The following TRPC3 variants were observed in gnomAD, a reference collection of about 807,000 sequenced individuals.
TRPC3 encodes the protein short transient receptor potential channel 3.
A neutral mutation model predicts 90.9 loss-of-function variants in TRPC3; 54 were observed. The ratio of observed to expected loss-of-function variants is 0.59; its 90% CI spans 0.48 to 0.75. The LOEUF is 0.75. Among genes scored for constraint, TRPC3 ranks in the 30% least tolerant of loss-of-function variants. The pLI is 0.00. For missense variants in TRPC3, 918 were observed against 1,194.5 expected (o/e 0.77, Z 3.41); for synonymous variants, 424 against 450.9 (o/e 0.94, Z 0.75).
In TRPC3 at chr4:121,874,673, A is replaced by C. The variant is rs1409643564; in HGVS notation, c.*5063T>G. ...TCTCATCTTGTCTTTTTATAAGCAC[A>C]CCAGTCATATTATCTCATTTTAAAT... On this transcript the variant is annotated 3_prime_UTR_variant, in exon 12 of 12. Transcript: ENST00000379645. Among the ~76,000 whole-genome samples, 1 of 152,222 alleles carries C rather than the reference A, an allele frequency of 6.6e-6. No homozygotes were observed. Among genetic ancestry groups the C allele is most frequent in the African/African-American group, 2.4e-5 (1 of 41,452 alleles).
At chr4:121,948,364 G>T (rs375523910) in intron 1 of TRPC3, among the ~76,000 whole-genome samples, 296 of 70,682 alleles carry the variant, frequency 4.2e-3, no homozygotes, top group African/African-American at 0.012. Context: ...ATTCTAGCTG[G>T]TTTTTTTTTT....
At chr4:121,905,851 A>G (rs948638899) in intron 7 of TRPC3, among the ~76,000 whole-genome samples, 20 of 152,092 alleles carry the variant, frequency 1.3e-4, no homozygotes, top group African/African-American at 4.3e-4. Context: ...GTTACTCTCT[A>G]TTACAAAACA....
intron 10 of TRPC3, among the ~76,000 whole-genome samples, chr4:121,895,007 A>G (rs891125734): frequency 6.6e-5 from 10 of 152,198 alleles, no homozygotes; most frequent in African/African-American, 2.4e-4. Flanking sequence ...TCATAACAAA[A>G]GGCACATTTG....
At chr4:121,903,531 A>G (rs1301949844) in intron 8 of TRPC3, among the ~76,000 whole-genome samples, 2 of 152,166 alleles carry the variant, frequency 1.3e-5, no homozygotes, top group Non-Finnish European at 2.9e-5. Context: ...GCTTTTCGGC[A>G]TTTCTGTGTT....
In TRPC3 at chr4:121,894,555, GTTT is replaced by G. The variant is rs374034360; in HGVS notation, c.2547+5054_2547+5056del. On this transcript the variant is annotated intron_variant, in intron 10 of 11. Coordinates refer to ENST00000379645, the MANE Select transcript of TRPC3 (RefSeq NM_001130698.2). ...CCAACAGCTGGAAAGTACACATTCT[GTTT>G]TTTTTTTTTTTTTTTTTTTTTTTGA... Among the ~76,000 whole-genome samples, 13 of 63,366 alleles carry G rather than the reference GTTT, an allele frequency of 2.1e-4. No individual in the cohort carries two copies. The South Asian group carries it at 6.1e-3, about 30-fold the overall frequency. The allele number at this position is 63,366 out of a possible 152,430, so 41.6% of individuals were successfully genotyped here. A position where few individuals can be genotyped will look rare whatever the true frequency, so the allele number is the denominator to read the frequency against.
At chr4:121,928,910 G>C (rs1729804338) in intron 2 of TRPC3, among the ~76,000 whole-genome samples, 1 of 152,204 alleles carries the variant, frequency 6.6e-6, no homozygotes, top group African/African-American at 2.4e-5. Context: ...AAAGAGGCAA[G>C]TTATCATACT....
chr4:121,905,503 G>A (rs990582659), intron 7 of TRPC3, among the ~76,000 whole-genome samples: 4 of 152,008 alleles, frequency 2.6e-5, no homozygotes, highest in African/African-American at 7.2e-5. Flanking sequence ...ACCTAAGTTC[G>A]TCCCTTAAAT....
chr4:121,948,929 C>T (rs968168991), intron 1 of TRPC3, among the ~76,000 whole-genome samples: 3 of 151,738 alleles, frequency 2.0e-5, no homozygotes, highest in Admixed American at 6.6e-5. Flanking sequence ...ACTGCTCATG[C>T]CCAGTCTCAT....
chr4:121,917,878 C>T (rs1729370422), intron 3 of TRPC3, among the ~76,000 whole-genome samples: 1 of 152,138 alleles, frequency 6.6e-6, no homozygotes, highest in Non-Finnish European at 1.5e-5. Context: ...AGTTTTTAGA[C>T]CAACAGTTTC....
intron 4 of TRPC3, 97 bp downstream of exon 4, chr4:121,914,683 A>T: frequency 7.8e-7 from 1 of 1,277,512 alleles, no homozygotes; most frequent in South Asian, 2.1e-5. Flanking sequence ...ATTCAGGGTA[A>T]AACTGATAAG....
intron 1 of TRPC3, among the ~76,000 whole-genome samples, chr4:121,942,011 G>A (rs1356745035): frequency 2.6e-5 from 4 of 152,092 alleles, no homozygotes; most frequent in Non-Finnish European, 5.9e-5. Context: ...ACACATCATA[G>A]AGCTCAATAA....
chr4:121,893,653 A>T (rs1185555596), intron 10 of TRPC3, among the ~76,000 whole-genome samples: 2 of 152,160 alleles, frequency 1.3e-5, no homozygotes, highest in African/African-American at 4.8e-5. Context: ...TTGACTATAC[A>T]AAAATAAAAA....
chr4:121,941,128 G>A (rs1048783603), intron 1 of TRPC3, among the ~76,000 whole-genome samples: 23 of 152,122 alleles, frequency 1.5e-4, no homozygotes, highest in African/African-American at 5.6e-4. Context: ...TGCATGCTGA[G>A]CTTATGTGTC....
intron 7 of TRPC3, among the ~76,000 whole-genome samples, chr4:121,906,287 A>G (rs1022707625): frequency 1.9e-4 from 29 of 152,258 alleles, no homozygotes; most frequent in African/African-American, 6.3e-4. Flanking sequence ...TGTCCTTTCT[A>G]CTACATTGAA....
intron 1 of TRPC3, among the ~76,000 whole-genome samples, chr4:121,943,624 G>A (rs980482173): frequency 1.3e-5 from 2 of 152,032 alleles, no homozygotes; most frequent in African/African-American, 4.8e-5. Context: ...GTCTATACTT[G>A]AACAAGAATT....
intron 10 of TRPC3, among the ~76,000 whole-genome samples, chr4:121,897,566 T>C (rs1005429307): frequency 6.8e-6 from 1 of 146,270 alleles, no homozygotes; most frequent in Non-Finnish European, 1.5e-5. Flanking sequence ...CAATGATATA[T>C]GAAAAAATGC....
intron 1 of TRPC3, among the ~76,000 whole-genome samples, chr4:121,943,333 A>G (rs1730383480): frequency 6.6e-6 from 1 of 152,202 alleles, no homozygotes; most frequent in African/African-American, 2.4e-5. Flanking sequence ...AATGTCAACA[A>G]TCATTCTTTC....
At chr4:121,935,512 A>C (rs998922515) in intron 1 of TRPC3, among the ~76,000 whole-genome samples, 10 of 152,076 alleles carry the variant, frequency 6.6e-5, no homozygotes, top group Non-Finnish European at 1.3e-4. Flanking sequence ...TTTCAAGACC[A>C]AACTCTATGA....
chr4:121,943,886 T>C (rs1230998607), intron 1 of TRPC3, among the ~76,000 whole-genome samples: 1 of 150,716 alleles, frequency 6.6e-6, no homozygotes, highest in Non-Finnish European at 1.5e-5. Flanking sequence ...TTATCACCTA[T>C]TATTTGAACA....
Sources: gnomAD v4.1 joint callset for allele counts (sites outside exome capture counted in the v4.1 genomes callset) on GRCh38, gnomAD v4.1.1 for gene constraint, MANE v1.5 for transcripts, NCBI Gene and HGNC (gene_info 2026-07-23, HGNC 2026-07-21) for gene names.